The following LZTS2 variants were observed in gnomAD, a reference collection of about 807,000 sequenced individuals.
The protein encoded by LZTS2 is leucine zipper tumor suppressor 2.
A neutral mutation model predicts 60.6 loss-of-function variants in LZTS2; 32 were observed. The ratio of observed to expected loss-of-function variants is 0.53; its 90% CI spans 0.40 to 0.71. LZTS2 has a LOEUF of 0.71. LZTS2 is among the 30% of genes least tolerant of loss of function. LZTS2 has a pLI of 0.00. For missense variants in LZTS2, 792 were observed against 901.9 expected (o/e 0.88, Z 1.56); for synonymous variants, 360 against 393.1 (o/e 0.92, Z 1.00).
At chr10:101,002,438 C>A in exon 1 of LZTS2, 1 of 1,197,730 alleles carries the variant, frequency 8.3e-7, no homozygotes, top group Non-Finnish European at 1.1e-6. Context: ...TGGTCAGGAT[C>A]AGTGGGTCAG....
At position 101,004,169 on chromosome 10, in the gene LZTS2, G is replaced by A. The variant is rs1298943144; in HGVS notation, c.1068+3G>A. 2 of 1,588,696 alleles carry A rather than the reference G, an allele frequency of 1.3e-6. No individual in the cohort carries two copies. The highest frequency in any genetic ancestry group is 8.6e-7 in the Non-Finnish European group (1 of 1,161,694). On this transcript the variant is annotated splice_donor_region_variant and intron_variant, in intron 2 of 3. Transcript: ENST00000370220. The stretch of plus-strand genomic sequence containing the variant: ...AGAATGAGGCTACCATGTGCCAGGT[G>A]TGGTCAGAGGCAATGATGGGGAAGG...
At chr10:100,998,587 G>A (rs144167520), upstream of LZTS2, 1,902 of 152,438 alleles carry the variant, frequency 0.012, 16 homozygotes, top group Non-Finnish European at 0.018. Flanking sequence ...GCGGGGGAGG[G>A]GGTGGTTAGG....
chr10:101,004,977 C>A (rs1027152516), intron 2 of LZTS2, among the ~76,000 whole-genome samples: 1 of 152,146 alleles, frequency 6.6e-6, no homozygotes, highest in Admixed American at 6.5e-5. Flanking sequence ...GGATTACAGG[C>A]GTGAGCCACT....
exon 1 of LZTS2, chr10:100,999,642 C>A (rs1851984468): frequency 6.6e-6 from 1 of 152,132 alleles, no homozygotes; most frequent in African/African-American, 2.4e-5. Flanking sequence ...TCCCGACTGC[C>A]GCCGAGCAGC....
At chr10:101,003,427 G>T in intron 1 of LZTS2, 80 bp from the exon 3 acceptor site, 2 of 1,436,922 alleles carry the variant, frequency 1.4e-6, no homozygotes, top group South Asian at 3.0e-5. Flanking sequence ...GGGGACCCAA[G>T]ACGGGAGGGC....
At chr10:101,007,797 C>A in exon 4 of LZTS2, 2 of 401,080 alleles carry the variant, frequency 5.0e-6, no homozygotes, top group South Asian at 9.9e-5. Flanking sequence ...TGTACAAACC[C>A]AAAGAAAAAA....
chr10:101,003,422 C>T (rs1383551287), intron 1 of LZTS2, 85 bp from the exon 3 acceptor site: 1 of 1,408,918 alleles, frequency 7.1e-7, no homozygotes, highest in Non-Finnish European at 9.5e-7. Flanking sequence ...GCACTGGGGA[C>T]CCAAGACGGG....
chr10:101,003,022 T>C (rs1852080532), intron 1 of LZTS2, 76 bp downstream of exon 2: 2 of 1,492,186 alleles, frequency 1.3e-6, no homozygotes, highest in Admixed American at 2.2e-5. Context: ...TAGAAGCTTA[T>C]ATAGAGGAAA....
intron 1 of LZTS2, 69 bp downstream of exon 2, chr10:101,003,015 A>G: frequency 6.6e-7 from 1 of 1,508,766 alleles, no homozygotes; most frequent in Non-Finnish European, 8.8e-7. Flanking sequence ...TGGAATTTAG[A>G]AGCTTATATA....
chr10:101,003,106 G>C, intron 1 of LZTS2, 160 bp downstream of exon 2: 1 of 929,682 alleles, frequency 1.1e-6, no homozygotes, highest in Non-Finnish European at 1.6e-6. Flanking sequence ...GTGACCTCAG[G>C]GAAGTCACTT....
At chr10:101,004,140 G>A (rs1852115485) in exon 2 of LZTS2, 1 of 1,606,676 alleles carries the variant, frequency 6.2e-7, no homozygotes, top group Non-Finnish European at 8.5e-7. Context: ...GGACAGTCTG[G>A]ACGAGAATGA....
chr10:101,005,543 G>A (rs778752972), exon 3 of LZTS2: 3 of 1,608,346 alleles, frequency 1.9e-6, no homozygotes, highest in East Asian at 2.2e-5. Context: ...CGGGCACAGC[G>A]GGCCCAACAG....
In LZTS2 at chr10:101,007,523, C is replaced by A. The variant is rs1051975818; in HGVS notation, c.*355C>A. 3.7e-6 allele frequency: 5 copies of A among 1,338,548 alleles called. No individual in the cohort carries two copies. In the South Asian group the frequency reaches 6.2e-5, roughly 17 times the overall value. 82.9% of individuals were successfully genotyped at this position (1,338,548 alleles called of 1,614,324 possible). A position where few individuals can be genotyped will look rare whatever the true frequency, so the allele number is the denominator to read the frequency against. On this transcript the variant is annotated 3_prime_UTR_variant, in exon 4 of 4. Transcript: ENST00000370220. ...AAGGGGCTCCCTCCTCTTCACATTCCCCCCGACCCCAAAGCCAGAGAAAGC... is the reference window on the plus strand; with the variant it reads ...AAGGGGCTCCCTCCTCTTCACATTCACCCCGACCCCAAAGCCAGAGAAAGC...
At chr10:101,006,780 C>T in exon 4 of LZTS2, 2 of 1,553,974 alleles carry the variant, frequency 1.3e-6, no homozygotes, top group South Asian at 1.2e-5. Flanking sequence ...CGGGAGCCCC[C>T]TGTGCCACCT....
At chr10:100,997,581 G>T (rs981212332), upstream of LZTS2, among the ~76,000 whole-genome samples, 1 of 147,936 alleles carries the variant, frequency 6.8e-6, no homozygotes, top group African/African-American at 2.5e-5. Flanking sequence ...TTGGGTGCGG[G>T]AAAGGGGCAG....
chr10:101,006,502 C>T (rs769206941), exon 4 of LZTS2: 13 of 1,609,716 alleles, frequency 8.1e-6, no homozygotes, highest in Admixed American at 5.0e-5. Flanking sequence ...AGAAATCAGG[C>T]GAGATCTCCC....
chr10:101,005,357 A>C (rs569448893), intron 2 of LZTS2, 101 bp from the exon 4 acceptor site: 1 of 1,333,164 alleles, frequency 7.5e-7, no homozygotes, highest in Admixed American at 2.7e-5. Flanking sequence ...GTTTAATGGA[A>C]TCCACCCTTC....
exon 4 of LZTS2, chr10:101,006,700 G>T (rs1421512998): frequency 6.2e-7 from 1 of 1,600,290 alleles, no homozygotes; most frequent in Non-Finnish European, 8.5e-7. Flanking sequence ...AGGAGCTGCA[G>T]CGACACCGCC....
At chr10:101,007,194 G>A in exon 4 of LZTS2, 1 of 1,521,436 alleles carries the variant, frequency 6.6e-7, no homozygotes, top group South Asian at 1.3e-5. Context: ...GCTCTGTAGG[G>A]AGCTCTGCCA....
Sources: allele counts gnomAD v4.1 joint callset (sites outside exome capture counted in the v4.1 genomes callset), GRCh38; gene constraint gnomAD v4.1.1; transcripts MANE v1.5; gene names NCBI Gene and HGNC (gene_info 2026-07-23, HGNC 2026-07-21).